Variants in CDH4 observed in about 807,000 individuals in gnomAD.
CDH4 encodes cadherin-4.
A neutral mutation model predicts 86.0 loss-of-function variants in CDH4; 33 were observed. The ratio of observed to expected loss-of-function variants is 0.38; its 90% confidence interval spans 0.29 to 0.51. CDH4 has a LOEUF of 0.51. Ranked by LOEUF, CDH4 falls within the 20% of genes least tolerant of loss-of-function variation. The pLI is 0.86. For missense variants in CDH4, 1,114 were observed against 1,307.4 expected, an observed-to-expected ratio of 0.85 and a Z score of 2.28; for synonymous variants, 555 against 549.4, an observed-to-expected ratio of 1.01 and a Z score of -0.14.
At chr20:61,376,186 TTGTG>T (rs1344071172) in intron 2 of CDH4, among the ~76,000 whole-genome samples, 2 of 151,190 alleles carry the variant, frequency 1.3e-5, no homozygotes, top group Non-Finnish European at 3.0e-5. Context: ...ATGTTGGTGA[TTGTG>T]TGGGTGTGGT....
chr20:61,466,421 T>C (rs1014576023), intron 2 of CDH4, among the ~76,000 whole-genome samples: 3 of 152,194 alleles, frequency 2.0e-5, no homozygotes, highest in Admixed American at 2.0e-4. Context: ...AGGTGCATCA[T>C]ATGACTAAAA....
chr20:61,259,364 T>C (rs1464885071), intron 2 of CDH4, among the ~76,000 whole-genome samples: 1 of 152,190 alleles, frequency 6.6e-6, no homozygotes, highest in Non-Finnish European at 1.5e-5. Flanking sequence ...CACCTCTGCA[T>C]AGATAGGCAA....
intron 2 of CDH4, among the ~76,000 whole-genome samples, chr20:61,711,924 G>C (rs2087897868): frequency 6.6e-6 from 1 of 152,202 alleles, no homozygotes; most frequent in African/African-American, 2.4e-5. Context: ...GTGTCCTGGG[G>C]TGTCATCAGC....
chr20:61,479,174 T>G (rs963433541), intron 2 of CDH4, among the ~76,000 whole-genome samples: 4 of 112,784 alleles, frequency 3.5e-5, no homozygotes, highest in Non-Finnish European at 7.8e-5. Context: ...ACTGGTTTTT[T>G]GTTTTTTGTT....
intron 2 of CDH4, chr20:61,740,500 A>G (rs1321042580): frequency 6.6e-6 from 1 of 152,212 alleles, no homozygotes; most frequent in Non-Finnish European, 1.5e-5. Flanking sequence ...GAAAGAGGCC[A>G]CAGCCTGGTG....
chr20:61,935,021 A>G (rs1048843299), intron 15 of CDH4, among the ~76,000 whole-genome samples: 1 of 152,222 alleles, frequency 6.6e-6, no homozygotes, highest in Non-Finnish European at 1.5e-5. Flanking sequence ...AGAACAGAGG[A>G]GCAAGTCAAA....
intron 9 of CDH4, among the ~76,000 whole-genome samples, chr20:61,911,884 C>T (rs1331879509): frequency 6.6e-6 from 1 of 152,186 alleles, no homozygotes; most frequent in East Asian, 1.9e-4. Flanking sequence ...TTAGAAATTT[C>T]CTTCAGCAGC....
At chr20:61,312,689 G>A (rs1398935853) in intron 2 of CDH4, among the ~76,000 whole-genome samples, 1 of 152,120 alleles carries the variant, frequency 6.6e-6, no homozygotes, top group Non-Finnish European at 1.5e-5. Context: ...CTTCCTCTTT[G>A]CACACGTCAC....
intron 2 of CDH4, among the ~76,000 whole-genome samples, chr20:61,574,538 C>G (rs1198832001): frequency 6.6e-6 from 1 of 152,128 alleles, no homozygotes. Flanking sequence ...AATGCCATTG[C>G]AAGCTTGTGG....
intron 4 of CDH4, among the ~76,000 whole-genome samples, chr20:61,839,375 T>C (rs546503666): frequency 2.0e-5 from 3 of 152,014 alleles, no homozygotes; most frequent in Non-Finnish European, 4.4e-5. Context: ...ATTGAATGTG[T>C]GTTGTGTGTG....
At chr20:61,731,685 C>T (rs1458448153) in intron 2 of CDH4, among the ~76,000 whole-genome samples, 1 of 152,224 alleles carries the variant, frequency 6.6e-6, no homozygotes, top group Non-Finnish European at 1.5e-5. Context: ...TGGGCAGGCC[C>T]CGTGCAGACG....
chr20:61,712,746 G>A (rs2087906874), intron 2 of CDH4, among the ~76,000 whole-genome samples: 1 of 152,170 alleles, frequency 6.6e-6, no homozygotes, highest in African/African-American at 2.4e-5. Flanking sequence ...GGAATTCAGA[G>A]GGGCAGCCCC....
intron 2 of CDH4, among the ~76,000 whole-genome samples, chr20:61,320,885 G>A (rs1021296245): frequency 6.6e-6 from 1 of 152,048 alleles, no homozygotes; most frequent in Non-Finnish European, 1.5e-5. Context: ...CGTGAAGACA[G>A]TATGTGGGCA....
At chr20:61,925,492 T>A (rs1396584672) in intron 11 of CDH4, among the ~76,000 whole-genome samples, 1 of 152,170 alleles carries the variant, frequency 6.6e-6, no homozygotes, top group African/African-American at 2.4e-5. Context: ...AGGGCCTGGC[T>A]CAGAGCAGCA....
rs1354187609 is a variant in CDH4, at chr20:61,829,467, CA to C, written c.577-15199del. On this transcript the variant is annotated intron_variant, in intron 4 of 15. Transcript: ENST00000614565. This position sits in a 1 kb window ranked among gnomAD's most constrained non-coding sequence, Gnocchi z 4.2. ...GTGTGCTGCCGGGCACGTCTGTGTGCAAGGCTTTCTGTGGACAGATGTTGAT... is the reference window on the plus strand; with the variant it reads ...GTGTGCTGCCGGGCACGTCTGTGTGCAGGCTTTCTGTGGACAGATGTTGAT... Among the ~76,000 whole-genome samples, 1 of 152,214 alleles carries C rather than the reference CA, an allele frequency of 6.6e-6. No homozygotes were observed. The highest frequency in any genetic ancestry group is 1.9e-4 in the East Asian group (1 of 5,190).
At chr20:61,627,808 T>C (rs1194899793) in intron 2 of CDH4, among the ~76,000 whole-genome samples, 1 of 151,674 alleles carries the variant, frequency 6.6e-6, no homozygotes, top group Non-Finnish European at 1.5e-5. Context: ...CCCGCTAGGG[T>C]GGGGCAGGGT....
At chr20:61,567,747 T>G (rs1173510422) in intron 2 of CDH4, among the ~76,000 whole-genome samples, 1 of 152,142 alleles carries the variant, frequency 6.6e-6, no homozygotes, top group Non-Finnish European at 1.5e-5. Flanking sequence ...TCTGGGAGAC[T>G]AAAACGGGAG....
At chr20:61,661,470 C>CTT (rs11472090) in intron 2 of CDH4, among the ~76,000 whole-genome samples, 35,690 of 114,826 alleles carry the variant, frequency 0.31, 5,845 homozygotes, top group South Asian at 0.4. Context: ...TGCTTTCTGA[C>CTT]TTTTTTTTTT....
At chr20:61,532,705 G>A (rs1453482916) in intron 2 of CDH4, among the ~76,000 whole-genome samples, 1 of 152,226 alleles carries the variant, frequency 6.6e-6, no homozygotes, top group Non-Finnish European at 1.5e-5. Context: ...GTGAGGTGGA[G>A]CAGGCTCTGG....
Sources: allele counts gnomAD v4.1 joint callset (sites outside exome capture counted in the v4.1 genomes callset), GRCh38; gene constraint gnomAD v4.1.1; non-coding constraint Gnocchi (gnomAD v3.1); transcripts MANE v1.5; gene names NCBI Gene and HGNC (gene_info 2026-07-23, HGNC 2026-07-21).